PCDHGA3: variants seen among roughly 807,000 people sequenced by gnomAD.
PCDHGA3 encodes the protein protocadherin gamma subfamily A, 3.
A neutral mutation model predicts 58.5 loss-of-function variants in PCDHGA3; 40 were observed. That is an observed-to-expected ratio of 0.68 (90% CI 0.53 to 0.89). The LOEUF (loss-of-function observed/expected upper bound fraction) is 0.89, where lower values mean the gene tolerates loss of function less well. Ranked by LOEUF, PCDHGA3 falls within the 40% of genes least tolerant of loss-of-function variation. PCDHGA3 has a pLI of 0.00. For missense variants in PCDHGA3, 1,223 were observed against 1,195.9 expected (o/e 1.02, Z -0.33); for synonymous variants, 530 against 525.7 (o/e 1.01, Z -0.11).
intron 1 of PCDHGA3, chr5:141,392,651 C>G (rs1228467133): frequency 1.4e-6 from 1 of 708,830 alleles, no homozygotes; most frequent in Non-Finnish European, 2.2e-6. Flanking sequence ...CGAAGACCCG[C>G]AGATGCCACA....
intron 1 of PCDHGA3, chr5:141,384,703 G>A (rs776947081): frequency 6.2e-7 from 1 of 1,614,100 alleles, no homozygotes; most frequent in South Asian, 1.1e-5. Flanking sequence ...AGGCCAGAAC[G>A]CCTGGCTGTC....
At chr5:141,419,529 A>G (rs2096395609) in intron 1 of PCDHGA3, 2 of 1,612,082 alleles carry the variant, frequency 1.2e-6, no homozygotes, top group Non-Finnish European at 1.7e-6. Context: ...GACCGTAACG[A>G]CAACGCACCG....
intron 1 of PCDHGA3, among the ~76,000 whole-genome samples, chr5:141,472,555 A>T (rs1360460094): frequency 6.6e-6 from 1 of 152,024 alleles, no homozygotes; most frequent in South Asian, 2.1e-4. Flanking sequence ...AAAAAAAATT[A>T]TATTATAAAT....
chr5:141,371,771 G>T, intron 1 of PCDHGA3: 1 of 1,613,966 alleles, frequency 6.2e-7, no homozygotes, highest in Non-Finnish European at 8.5e-7. Flanking sequence ...CCTACACCGT[G>T]CATGTAGCTG....
At chr5:141,402,877 T>C in intron 1 of PCDHGA3, 3 of 1,469,748 alleles carry the variant, frequency 2.0e-6, no homozygotes, top group East Asian at 4.9e-5. Flanking sequence ...CACCATACTT[T>C]GCAGGGTGGA....
chr5:141,411,285 A>C (rs2095477948), intron 1 of PCDHGA3: 1 of 152,218 alleles, frequency 6.6e-6, no homozygotes, highest in South Asian at 2.1e-4. Flanking sequence ...AAAAATATTC[A>C]GAAGACAGGC....
intron 1 of PCDHGA3, chr5:141,417,913 T>A (rs749352432): frequency 1.2e-6 from 2 of 1,601,944 alleles, no homozygotes; most frequent in African/African-American, 1.3e-5. Flanking sequence ...AGGTACTATT[T>A]CCTTTGCTGC....
intron 1 of PCDHGA3, among the ~76,000 whole-genome samples, chr5:141,438,587 CATACATATATATATATATATATATATAT>C (rs1267620600): frequency 1.4e-5 from 1 of 73,428 alleles, no homozygotes; most frequent in Non-Finnish European, 2.6e-5. Context: ...TACATACATA[CATACATATATATATATATATATATATAT>C]ATATATATAT....
At chr5:141,354,338 T>A (rs938895784) in intron 1 of PCDHGA3, among the ~76,000 whole-genome samples, 2 of 152,238 alleles carry the variant, frequency 1.3e-5, no homozygotes, top group Non-Finnish European at 2.9e-5. Context: ...GGTATTGTTC[T>A]AAAGATTGAG....
At chr5:141,438,621 TATATATATATATATACAC>T (rs1369797568) in intron 1 of PCDHGA3, among the ~76,000 whole-genome samples, 6 of 41,386 alleles carry the variant, frequency 1.4e-4, no homozygotes, top group South Asian at 9.0e-4. Context: ...TATATATATA[TATATATATATATATACAC>T]ACACACACAC....
chr5:141,482,767 A>AGCTAGTACTATAATTATTTTTATTAGTTC (rs1370824281), intron 1 of PCDHGA3, among the ~76,000 whole-genome samples: 2 of 150,588 alleles, frequency 1.3e-5, no homozygotes, highest in African/African-American at 2.5e-5. Context: ...TTTCATTATC[A>AGCTAGTACTATAATTATTTTTATTAGTTC]CTGAACCTTA....
chr5:141,351,943 C>T (rs548781270), intron 1 of PCDHGA3: 10 of 1,613,052 alleles, frequency 6.2e-6, no homozygotes, highest in African/African-American at 4.0e-5. Context: ...TGCTGTACCC[C>T]GCGCTGGGGC....
chr5:141,453,287 A>T (rs900058377), intron 1 of PCDHGA3, among the ~76,000 whole-genome samples: 1 of 151,368 alleles, frequency 6.6e-6, no homozygotes, highest in Non-Finnish European at 1.5e-5. Context: ...CTAATTTTTT[A>T]ATTATTTATT....
rs148558897 is a variant in PCDHGA3, at chr5:141,489,890, G to A, written c.2425-4917G>A. On this transcript the variant is annotated intron_variant, in intron 1 of 3. Coordinates refer to ENST00000253812, the MANE Select transcript of PCDHGA3 (RefSeq NM_018916.4). The surrounding 1 kb of genome is among the most constrained non-coding windows in gnomAD (Gnocchi z 4.5). Reference sequence around the variant, plus strand: ...CAGCTGGTGCTTACTGCTGTGGATGGGGGGACCCCAGCCCGCTCAGGGACC... The same window carrying A: ...CAGCTGGTGCTTACTGCTGTGGATGAGGGGACCCCAGCCCGCTCAGGGACC... 6.2e-7 allele frequency: 1 copy of A among 1,614,198 alleles called. No homozygotes were observed. The highest frequency in any genetic ancestry group is 8.5e-7 in the Non-Finnish European group (1 of 1,180,028).
intron 1 of PCDHGA3, among the ~76,000 whole-genome samples, chr5:141,443,727 A>T: frequency 6.6e-6 from 1 of 152,220 alleles, no homozygotes; most frequent in Non-Finnish European, 1.5e-5. Context: ...AATTCCTCAT[A>T]CATTTCCCTA....
chr5:141,498,119 T>C (rs780741291), intron 2 of PCDHGA3, among the ~76,000 whole-genome samples: 42 of 152,192 alleles, frequency 2.8e-4, no homozygotes, highest in Non-Finnish European at 4.8e-4. Flanking sequence ...AATAGGGATT[T>C]GATTTAGGGA....
At chr5:141,414,646 A>G in intron 1 of PCDHGA3, 2 of 1,613,928 alleles carry the variant, frequency 1.2e-6, no homozygotes, top group Non-Finnish European at 1.7e-6. Context: ...GAATGCCCAG[A>G]TTATTTACTC....
At chr5:141,460,951 G>GTATATATA (rs200454978) in intron 1 of PCDHGA3, among the ~76,000 whole-genome samples, 42 of 139,772 alleles carry the variant, frequency 3.0e-4, no homozygotes, top group African/African-American at 1.1e-3. Context: ...TATGTATTAT[G>GTATATATA]TATATATATA....
chr5:141,458,168 A>G (rs1287422935), intron 1 of PCDHGA3, among the ~76,000 whole-genome samples: 1 of 152,254 alleles, frequency 6.6e-6, no homozygotes. Context: ...TGTTCACAGT[A>G]GTATACCTTA....
Sources: gnomAD v4.1 joint callset for allele counts (sites outside exome capture counted in the v4.1 genomes callset) on GRCh38, gnomAD v4.1.1 for gene constraint, Gnocchi (gnomAD v3.1) non-coding constraint, MANE v1.5 for transcripts, NCBI Gene and HGNC (gene_info 2026-07-23, HGNC 2026-07-21) for gene names.